NBEA: variants seen among roughly 807,000 people sequenced by gnomAD.
The protein encoded by NBEA is neurobeachin.
Under a neutral mutation model 343.4 loss-of-function variants are expected in NBEA, and 44 were observed. That is an observed-to-expected ratio of 0.13 (90% CI 0.10 to 0.16). The LOEUF is 0.16. NBEA is among the 10% of genes least tolerant of loss of function. The probability of loss-of-function intolerance (pLI) is 1.00; values close to 1 mark genes in which losing one functional copy is unlikely to be tolerated. For synonymous variants in NBEA, 1,175 were observed against 1,238.7 expected (o/e 0.95, Z 1.08); for missense variants, 2,555 against 3,631.3 (o/e 0.70, Z 7.62).
chr13:35,145,157 C>T (rs1403461232), intron 18 of NBEA, among the ~76,000 whole-genome samples: 2 of 152,176 alleles, frequency 1.3e-5, no homozygotes, highest in Non-Finnish European at 2.9e-5. Context: ...CTTGTTGTTT[C>T]CTTGACCATT....
intron 45 of NBEA, among the ~76,000 whole-genome samples, chr13:35,570,519 T>A (rs541713847): frequency 7.9e-5 from 12 of 152,378 alleles, no homozygotes; most frequent in African/African-American, 2.9e-4. Flanking sequence ...ATGTAGTTCT[T>A]CATGCTGTGA....
intron 36 of NBEA, among the ~76,000 whole-genome samples, chr13:35,326,575 C>T (rs1286104997): frequency 6.6e-6 from 1 of 151,888 alleles, no homozygotes; most frequent in Non-Finnish European, 1.5e-5. Flanking sequence ...TTCATATTGT[C>T]AGTAATGGTA....
In NBEA at chr13:35,450,330, T is replaced by TA. The variant is rs979645444; in HGVS notation, c.6305-1754dup. On this transcript the variant is annotated intron_variant, in intron 39 of 58. Coordinates refer to ENST00000379939, the MANE Select transcript of NBEA (RefSeq NM_001385012.1). ...CCCTACAAAAAAAAAAAAATAACAA[T>TA]AAAAAAAATAGCCAGGCATTGTGGT... Among the ~76,000 whole-genome samples the TA allele has an allele frequency of 9.4e-5, 14 of 148,644 alleles. No individual in the cohort carries two copies. The South Asian group carries it at 1.1e-3, about 12-fold the overall frequency.
chr13:35,394,678 G>A (rs2042660232), intron 38 of NBEA, among the ~76,000 whole-genome samples: 1 of 151,788 alleles, frequency 6.6e-6, no homozygotes, highest in Admixed American at 6.6e-5. Flanking sequence ...ACTTCCCTGG[G>A]ACATTTCCAA....
In NBEA at chr13:35,360,070, GCCC is replaced by G. The variant is rs1221009803; in HGVS notation, c.6179+7748_6179+7750del. Among the ~76,000 whole-genome samples the G allele has an allele frequency of 1.1e-4, 17 of 151,934 alleles. No individual in the cohort carries two copies. The East Asian group carries it at 3.3e-3, about 29-fold the overall frequency. ...GAGATTCATAGAGATCAAATGTCTT[GCCC>G]TGTATTACACAGCTAAGTAATAGAG... On this transcript the variant is annotated intron_variant, in intron 38 of 58. Transcript: ENST00000379939.
At chr13:35,098,482 T>C in intron 11 of NBEA, 77 bp downstream of exon 11, 1 of 1,019,718 alleles carries the variant, frequency 9.8e-7, no homozygotes, top group East Asian at 2.6e-5. Context: ...TTTTTTTCTG[T>C]AATTTCACTT....
intron 34 of NBEA, among the ~76,000 whole-genome samples, chr13:35,243,282 G>A (rs913941650): frequency 3.3e-5 from 5 of 151,704 alleles, no homozygotes; most frequent in African/African-American, 1.2e-4. Context: ...GAAATTACAC[G>A]AAAGAACAAG....
chr13:35,212,269 T>G (rs2073825692), intron 33 of NBEA, among the ~76,000 whole-genome samples: 2 of 152,180 alleles, frequency 1.3e-5, no homozygotes, highest in Non-Finnish European at 1.5e-5. Context: ...TCCTATGTAT[T>G]TCTTTGTCTC....
chr13:35,011,532 T>C (rs2061493777), intron 1 of NBEA, among the ~76,000 whole-genome samples: 1 of 152,200 alleles, frequency 6.6e-6, no homozygotes, highest in South Asian at 2.1e-4. Flanking sequence ...AACAGAATTA[T>C]TAATGTTAGT....
At chr13:35,460,670 A>G (rs753044937) in intron 40 of NBEA, among the ~76,000 whole-genome samples, 11 of 152,202 alleles carry the variant, frequency 7.2e-5, no homozygotes, top group Non-Finnish European at 1.6e-4. Context: ...ATGAAACACT[A>G]TAAGGTACTC....
At chr13:35,517,206 G>C (rs2077517857) in intron 41 of NBEA, among the ~76,000 whole-genome samples, 2 of 152,118 alleles carry the variant, frequency 1.3e-5, no homozygotes, top group South Asian at 4.2e-4. Context: ...CCCCTTCCCT[G>C]GCCACTCTTC....
rs988654903 is a variant in NBEA, at chr13:35,205,986, G to A, written c.5367-2714G>A. ...ACTGCTGAAGGTAGAATTCTAACCCGGGTCTGTAGGGTTAGAATTCTGTGC... is the reference window on the plus strand; with the variant it reads ...ACTGCTGAAGGTAGAATTCTAACCCAGGTCTGTAGGGTTAGAATTCTGTGC... On this transcript the variant is annotated intron_variant, in intron 31 of 58. Coordinates refer to ENST00000379939, the MANE Select transcript of NBEA (RefSeq NM_001385012.1). Among the ~76,000 whole-genome samples, 13 of 152,048 alleles carry A rather than the reference G, an allele frequency of 8.5e-5. No individual in the cohort carries two copies. In the South Asian group the frequency reaches 2.5e-3, roughly 29 times the overall value.
intron 34 of NBEA, among the ~76,000 whole-genome samples, chr13:35,248,615 C>T (rs9565122): frequency 4.1e-5 from 2 of 48,358 alleles, no homozygotes; most frequent in African/African-American, 7.3e-5. Flanking sequence ...AACAAATAAA[C>T]AAACAAAAAA....
intron 41 of NBEA, among the ~76,000 whole-genome samples, chr13:35,502,355 T>C (rs2076920300): frequency 6.6e-6 from 1 of 152,086 alleles, no homozygotes; most frequent in African/African-American, 2.4e-5. Flanking sequence ...TAAAAGAACA[T>C]GTAGAAAAGG....
intron 41 of NBEA, among the ~76,000 whole-genome samples, chr13:35,544,183 G>A (rs1031276576): frequency 2.0e-5 from 3 of 152,060 alleles, no homozygotes; most frequent in Non-Finnish European, 2.9e-5. Flanking sequence ...TGGATTGAAC[G>A]CGACAACCTT....
intron 17 of NBEA, among the ~76,000 whole-genome samples, chr13:35,133,299 G>T (rs2067529433): frequency 6.6e-6 from 1 of 152,052 alleles, no homozygotes; most frequent in African/African-American, 2.4e-5. Context: ...AATAAAACAT[G>T]CATTTAATGC....
intron 1 of NBEA, among the ~76,000 whole-genome samples, chr13:34,978,999 A>C (rs553436086): frequency 6.6e-6 from 1 of 152,234 alleles, no homozygotes; most frequent in African/African-American, 2.4e-5. Flanking sequence ...ATTATCAGGT[A>C]GAGAGATGGC....
At chr13:35,093,560 A>T (rs956588975) in intron 10 of NBEA, among the ~76,000 whole-genome samples, 2 of 152,040 alleles carry the variant, frequency 1.3e-5, no homozygotes, top group Non-Finnish European at 2.9e-5. Context: ...GCACCAAGAT[A>T]AAGGACTGGG....
intron 47 of NBEA, among the ~76,000 whole-genome samples, chr13:35,605,562 G>C (rs1352511491): frequency 2.0e-5 from 3 of 152,094 alleles, no homozygotes; most frequent in Non-Finnish European, 4.4e-5. Flanking sequence ...TTTGAAAAAA[G>C]ATGATCAGGA....
Sources: gnomAD v4.1 joint callset for allele counts (sites outside exome capture counted in the v4.1 genomes callset) on GRCh38, gnomAD v4.1.1 for gene constraint, MANE v1.5 for transcripts, NCBI Gene and HGNC (gene_info 2026-07-23, HGNC 2026-07-21) for gene names.